The following SDK1 variants were observed in gnomAD, a reference collection of about 807,000 sequenced individuals.
SDK1 encodes the protein sidekick cell adhesion molecule 1, also known as protein sidekick-1.
SDK1 carries 157 observed loss-of-function variants against 245.5 expected under a neutral mutation model. That is an observed-to-expected ratio of 0.64 (90% confidence interval 0.56 to 0.73). The LOEUF (loss-of-function observed/expected upper bound fraction) is 0.73. SDK1 is among the 30% of genes least tolerant of loss of function. The probability of loss-of-function intolerance (pLI) is 0.00; values close to 1 mark genes in which losing one functional copy is unlikely to be tolerated. For synonymous variants in SDK1, 1,647 were observed against 1,278.5 expected (o/e 1.29, Z -6.15); for missense variants, 3,583 against 3,002.3 (o/e 1.19, Z -4.52).
intron 17 of SDK1, among the ~76,000 whole-genome samples, chr7:4,044,742 G>A (rs763663458): frequency 1.3e-5 from 2 of 152,128 alleles, no homozygotes; most frequent in African/African-American, 4.8e-5. Context: ...ACCATGCCCT[G>A]CCTGCAGCAT....
intron 1 of SDK1, among the ~76,000 whole-genome samples, chr7:3,319,858 A>G (rs1779753584): frequency 1.1e-5 from 1 of 89,690 alleles, no homozygotes; most frequent in East Asian, 3.0e-4. Flanking sequence ...CCATTTGCCT[A>G]TATCTAACCC....
chr7:4,082,765 C>T (rs906639982), intron 22 of SDK1, among the ~76,000 whole-genome samples: 2 of 151,982 alleles, frequency 1.3e-5, no homozygotes, highest in African/African-American at 4.8e-5. Context: ...GGACCACAGG[C>T]GTGTGCCACC....
chr7:3,556,892 G>A (rs1007254165), intron 1 of SDK1, among the ~76,000 whole-genome samples: 17 of 152,010 alleles, frequency 1.1e-4, no homozygotes, highest in African/African-American at 2.7e-4. Context: ...CCCATACCCC[G>A]TTTACCCTGA....
intron 1 of SDK1, among the ~76,000 whole-genome samples, chr7:3,407,108 A>G (rs867899564): frequency 1.4e-4 from 22 of 152,330 alleles, no homozygotes; most frequent in African/African-American, 5.1e-4. Context: ...AACAAATAAC[A>G]GAGACAAGGG....
chr7:3,354,425 G>GT (rs1379518718), intron 1 of SDK1, among the ~76,000 whole-genome samples: 13 of 152,184 alleles, frequency 8.5e-5, no homozygotes, highest in African/African-American at 3.1e-4. Context: ...GGAAAAAGTT[G>GT]TTTTTTGAAA....
At chr7:3,974,723 T>G in intron 13 of SDK1, 178 bp downstream of exon 13, 1 of 569,170 alleles carries the variant, frequency 1.8e-6, no homozygotes, top group Non-Finnish European at 3.0e-6. Context: ...GTGGTTTCTT[T>G]CAACTTCGGA....
intron 4 of SDK1, among the ~76,000 whole-genome samples, chr7:3,694,279 C>T (rs1024120982): frequency 2.6e-5 from 4 of 152,122 alleles, no homozygotes; most frequent in African/African-American, 7.2e-5. Flanking sequence ...AGATGGCCAC[C>T]GGGAGGTCAC....
intron 34 of SDK1, 124 bp downstream of exon 34, chr7:4,175,958 T>G (rs1234147854): frequency 3.9e-6 from 3 of 776,030 alleles, no homozygotes; most frequent in Non-Finnish European, 6.7e-6. Flanking sequence ...GAATCGCCTC[T>G]CAAACGCTGC....
At chr7:3,738,282 C>G (rs946934003) in intron 4 of SDK1, among the ~76,000 whole-genome samples, 1 of 152,214 alleles carries the variant, frequency 6.6e-6, no homozygotes, top group South Asian at 2.1e-4. Context: ...GCAGTTTTCC[C>G]AATGCCATTT....
intron 32 of SDK1, among the ~76,000 whole-genome samples, chr7:4,171,649 A>G (rs623667): frequency 0.78 from 118,662 of 152,102 alleles, 46,782 homozygotes; most frequent in African/African-American, 0.91. Context: ...CCCCTCATCC[A>G]CTGGTGGTGG....
At chr7:3,837,121 G>C (rs755176249) in intron 5 of SDK1, among the ~76,000 whole-genome samples, 5 of 152,162 alleles carry the variant, frequency 3.3e-5, no homozygotes, top group Non-Finnish European at 7.3e-5. Context: ...TCACAATACA[G>C]GTTAGGGCTT....
intron 1 of SDK1, among the ~76,000 whole-genome samples, chr7:3,485,689 T>TTTTTTTTG (rs1314352210): frequency 5.1e-5 from 7 of 136,470 alleles, no homozygotes; most frequent in Admixed American, 2.2e-4. Flanking sequence ...GAGGGTTTTT[T>TTTTTTTTG]TTTTTTTTTT....
chr7:4,116,933 C>G (rs75590856), intron 25 of SDK1, among the ~76,000 whole-genome samples: 6,289 of 152,286 alleles, frequency 0.041, 327 homozygotes, highest in African/African-American at 0.12. Context: ...CTGAAGCTTT[C>G]ATTACGTTCC....
chr7:3,798,439 G>T (rs901414311), intron 4 of SDK1, among the ~76,000 whole-genome samples: 1 of 151,954 alleles, frequency 6.6e-6, no homozygotes, highest in African/African-American at 2.4e-5. Context: ...TGATGGTCTT[G>T]ATCTCCTGAC....
At chr7:3,860,916 A>G (rs1780673784) in intron 5 of SDK1, among the ~76,000 whole-genome samples, 2 of 152,238 alleles carry the variant, frequency 1.3e-5, no homozygotes, top group South Asian at 2.1e-4. Context: ...TTTTGCCTTT[A>G]AAAACCTGCT....
chr7:3,459,108 T>C (rs1214438903), intron 1 of SDK1, among the ~76,000 whole-genome samples: 1 of 152,202 alleles, frequency 6.6e-6, no homozygotes, highest in Non-Finnish European at 1.5e-5. Context: ...ATTGACATCA[T>C]TATAGTATTG....
At chr7:3,796,976 T>C (rs1778975847) in intron 4 of SDK1, among the ~76,000 whole-genome samples, 1 of 152,118 alleles carries the variant, frequency 6.6e-6, no homozygotes, top group Non-Finnish European at 1.5e-5. Flanking sequence ...ATTTTCTTTT[T>C]TTTTCCTTTT....
chr7:3,788,059 G>C (rs1222231434), intron 4 of SDK1, among the ~76,000 whole-genome samples: 1 of 152,140 alleles, frequency 6.6e-6, no homozygotes, highest in East Asian at 1.9e-4. Flanking sequence ...TGTGCTCCGG[G>C]GAGTGGACAG....
intron 13 of SDK1, among the ~76,000 whole-genome samples, chr7:3,975,932 A>G (rs56976781): frequency 0.063 from 8,576 of 136,898 alleles, 228 homozygotes; most frequent in Non-Finnish European, 0.071. Context: ...AGAATCACTG[A>G]GGGTCCCGGG....
Sources: allele counts gnomAD v4.1 joint callset (sites outside exome capture counted in the v4.1 genomes callset), GRCh38; gene constraint gnomAD v4.1.1; transcripts MANE v1.5; gene names NCBI Gene and HGNC (gene_info 2026-07-23, HGNC 2026-07-21).